NRXN1: variants seen among roughly 807,000 people sequenced by gnomAD.
The protein encoded by NRXN1 is neurexin-1.
NRXN1 carries 39 observed loss-of-function variants against 150.9 expected under a neutral mutation model. That is an observed-to-expected ratio of 0.26 (90% CI 0.20 to 0.34). The LOEUF (loss-of-function observed/expected upper bound fraction) is 0.34, where lower values mean the gene tolerates loss of function less well. NRXN1 is among the 10% of genes least tolerant of loss of function. NRXN1 has a pLI of 1.00. For missense variants in NRXN1, 1,815 were observed against 1,949.9 expected (o/e 0.93, Z 1.30); for synonymous variants, 924 against 757.0 (o/e 1.22, Z -3.62).
rs531214752 is a variant in NRXN1, at chr2:50,968,052, A to G, written c.773-42097T>C. Among the ~76,000 whole-genome samples the G allele has an allele frequency of 2.0e-5, 3 of 152,178 alleles. 1 individual carries two copies. The highest frequency in any genetic ancestry group is 4.8e-5 in the African/African-American group (2 of 41,548). ...GAAAGGACTAGATTAGAAATTTATG[A>G]TTAAAATAAAATAAGACTAATACTG... On this transcript the variant is annotated intron_variant, in intron 2 of 22. Coordinates refer to ENST00000401669, the MANE Select transcript of NRXN1 (RefSeq NM_001330078.2).
chr2:50,675,873 C>G (rs184581678), intron 5 of NRXN1, among the ~76,000 whole-genome samples: 1 of 151,794 alleles, frequency 6.6e-6, no homozygotes, highest in East Asian at 1.9e-4. Context: ...CCATCAAGAG[C>G]AAGATAAAGG....
intron 5 of NRXN1, among the ~76,000 whole-genome samples, chr2:50,778,464 A>G (rs1360329513): frequency 6.6e-6 from 1 of 152,210 alleles, no homozygotes; most frequent in Non-Finnish European, 1.5e-5. Flanking sequence ...GAATAACAAT[A>G]TGGGGCATAA....
At chr2:50,086,694 T>C (rs1698817018) in intron 19 of NRXN1, among the ~76,000 whole-genome samples, 1 of 152,116 alleles carries the variant, frequency 6.6e-6, no homozygotes, top group Admixed American at 6.6e-5. Flanking sequence ...GTCTTTGACT[T>C]CTTTGTTCCT....
At chr2:50,007,161 A>T (rs943209568) in intron 21 of NRXN1, among the ~76,000 whole-genome samples, 15 of 151,670 alleles carry the variant, frequency 9.9e-5, no homozygotes, top group African/African-American at 3.6e-4. Context: ...TGGATAACAA[A>T]GCGAGACCTT....
At chr2:50,853,638 G>A (rs1157998466) in intron 5 of NRXN1, among the ~76,000 whole-genome samples, 1 of 152,076 alleles carries the variant, frequency 6.6e-6, no homozygotes, top group Non-Finnish European at 1.5e-5. Flanking sequence ...TGAGCTTAAA[G>A]AAGAAATCCC....
chr2:50,071,314 G>A (rs907231168), intron 19 of NRXN1, among the ~76,000 whole-genome samples: 1 of 152,170 alleles, frequency 6.6e-6, no homozygotes, highest in Non-Finnish European at 1.5e-5. Context: ...ACTGTTATGA[G>A]CTCAATTGTT....
At chr2:49,973,856 A>T in intron 21 of NRXN1, 1 of 605,302 alleles carries the variant, frequency 1.7e-6, no homozygotes, top group South Asian at 2.1e-5. Context: ...AGTTTATCCA[A>T]ATGAGTTTAT....
intron 5 of NRXN1, among the ~76,000 whole-genome samples, chr2:50,662,653 G>A (rs1574012626): frequency 2.0e-5 from 3 of 151,792 alleles, no homozygotes; most frequent in Admixed American, 2.0e-4. Context: ...GGCCCAAGGC[G>A]ATTCTTCTTC....
chr2:49,920,823 C>CTAAT lies in NRXN1; in HGVS notation c.*1117_*1120dup, dbSNP rs1389453926. The CTAAT allele has an allele frequency of 6.6e-6, 1 of 152,062 alleles. No individual in the cohort carries two copies. The highest frequency in any genetic ancestry group is 2.4e-5 in the African/African-American group (1 of 41,288). The allele number at this position is 152,062 out of a possible 1,614,324, so 9.4% of individuals were successfully genotyped here. A position where few individuals can be genotyped will look rare whatever the true frequency, so the allele number is the denominator to read the frequency against. ...GATACATATGTATATATGTGACTTT[C>CTAAT]TAATTCACACCTTTCATACAAGTAC... On this transcript the variant is annotated 3_prime_UTR_variant, in exon 23 of 23. Coordinates refer to ENST00000401669, the MANE Select transcript of NRXN1 (RefSeq NM_001330078.2).
intron 18 of NRXN1, among the ~76,000 whole-genome samples, chr2:50,197,552 G>A (rs922842304): frequency 1.3e-5 from 2 of 151,970 alleles, no homozygotes; most frequent in African/African-American, 4.8e-5. Context: ...ATTATATTTT[G>A]TGATGTTTTG....
chr2:50,578,933 G>A (rs1359927609), intron 8 of NRXN1, among the ~76,000 whole-genome samples: 2 of 152,108 alleles, frequency 1.3e-5, no homozygotes, highest in African/African-American at 2.4e-5. Flanking sequence ...AACACTGAGG[G>A]CATCTGGGGT....
chr2:50,703,396 C>T (rs1297629495), intron 5 of NRXN1, among the ~76,000 whole-genome samples: 1 of 152,114 alleles, frequency 6.6e-6, no homozygotes, highest in African/African-American at 2.4e-5. Context: ...ATCCAGATGG[C>T]ACTCAAGGGA....
At chr2:50,171,421 G>A (rs1476842313) in intron 18 of NRXN1, among the ~76,000 whole-genome samples, 2 of 144,996 alleles carry the variant, frequency 1.4e-5, no homozygotes, top group Non-Finnish European at 3.0e-5. Context: ...TTCATTTTTA[G>A]GCCCCATTAA....
chr2:50,483,068 A>G (rs2090599009), intron 15 of NRXN1, among the ~76,000 whole-genome samples: 1 of 150,800 alleles, frequency 6.6e-6, no homozygotes, highest in African/African-American at 2.4e-5. Context: ...AAAAAAAAAA[A>G]AAAAAGGAAT....
chr2:50,472,227 C>T, intron 16 of NRXN1, 71 bp downstream of exon 16: 1 of 1,293,648 alleles, frequency 7.7e-7, no homozygotes, highest in Non-Finnish European at 1.0e-6. Flanking sequence ...TTTTGCTGGA[C>T]AGTGAGATTC....
intron 19 of NRXN1, among the ~76,000 whole-genome samples, chr2:50,070,436 A>C (rs1334336060): frequency 2.0e-5 from 3 of 152,102 alleles, no homozygotes; most frequent in African/African-American, 7.2e-5. Context: ...CATTCTCATG[A>C]GAGTTCCTTT....
intron 5 of NRXN1, among the ~76,000 whole-genome samples, chr2:50,685,563 A>G (rs1691100671): frequency 6.6e-6 from 1 of 151,976 alleles, no homozygotes; most frequent in African/African-American, 2.4e-5. Flanking sequence ...TTTCTTTGGA[A>G]TCTATAATTT....
In NRXN1 at chr2:50,620,124, G is replaced by A; in HGVS notation, c.1218C>T (p.Thr406=). 2 of 1,613,418 alleles carry A rather than the reference G, an allele frequency of 1.2e-6. No individual in the cohort carries two copies. Among genetic ancestry groups the A allele is most frequent in the South Asian group, 1.1e-5 (1 of 91,034 alleles). ...TTTGYTQEDY[T]MLGSDDFFYV... ...AGAAAAAGTCATCAGACCCCAGCAT[G>A]GTATAATCTTCTTGCGTGTAGCCCG... is the stretch of plus-strand genomic sequence containing the variant. The change falls in exon 8 of 23, where the codon ACC becomes ACT. Residue 406 remains threonine (T), a synonymous_variant. Coordinates refer to ENST00000401669, the MANE Select transcript of NRXN1 (RefSeq NM_001330078.2).
At chr2:50,795,116 T>A (rs995150125) in intron 5 of NRXN1, among the ~76,000 whole-genome samples, 1 of 152,164 alleles carries the variant, frequency 6.6e-6, no homozygotes, top group Non-Finnish European at 1.5e-5. Context: ...TAATCTAGCA[T>A]CCTTACATCT....
Sources: gnomAD v4.1 joint callset for allele counts (sites outside exome capture counted in the v4.1 genomes callset) on GRCh38, gnomAD v4.1.1 for gene constraint, MANE v1.5 for transcripts, NCBI Gene and HGNC (gene_info 2026-07-23, HGNC 2026-07-21) for gene names.